INVS: variants seen among roughly 807,000 people sequenced by gnomAD.
INVS encodes inversion of embryo turning homolog.
INVS carries 86 observed loss-of-function variants against 108.8 expected under a neutral mutation model. The observed-to-expected ratio is 0.79, with a 90% CI of 0.66 to 0.95. The LOEUF (loss-of-function observed/expected upper bound fraction) is 0.95. Among genes scored for constraint, INVS ranks in the 40% least tolerant of loss-of-function variants. The pLI, the probability that INVS is intolerant of heterozygous loss-of-function variation, is 0.00. For missense variants in INVS, 1,169 were observed against 1,297.4 expected (o/e 0.90, Z 1.52); for synonymous variants, 455 against 473.5 (o/e 0.96, Z 0.51).
chr9:100,213,830 G>C, intron 3 of INVS, among the ~76,000 whole-genome samples: 1 of 152,158 alleles, frequency 6.6e-6, no homozygotes, highest in Non-Finnish European at 1.5e-5. Flanking sequence ...CCCAGAGGAA[G>C]ACATTACCTC....
chr9:100,187,521 A>ATTTTTTTTTTTTTTTTTTT (rs1830087780), intron 3 of INVS, among the ~76,000 whole-genome samples: 1 of 89,428 alleles, frequency 1.1e-5, no homozygotes, highest in African/African-American at 6.1e-5. Flanking sequence ...ATCATCTATG[A>ATTTTTTTTTTTTTTTTTTT]TTTCTTTTTT....
chr9:100,120,311 A>G (rs1827688063), intron 2 of INVS: 1 of 152,298 alleles, frequency 6.6e-6, no homozygotes, highest in South Asian at 2.1e-4. Context: ...TACAAGAAGA[A>G]AAAGACATCA....
At chr9:100,155,961 A>G (rs1828964964) in intron 3 of INVS, among the ~76,000 whole-genome samples, 2 of 152,228 alleles carry the variant, frequency 1.3e-5, no homozygotes, top group South Asian at 4.1e-4. Context: ...AGAAGTAATG[A>G]CTAACCCCAT....
In INVS at chr9:100,301,894, C is replaced by T. The variant is rs1008704044; in HGVS notation, c.*1220C>T. On this transcript the variant is annotated 3_prime_UTR_variant, in exon 17 of 17. Coordinates refer to ENST00000262457, the MANE Select transcript of INVS (RefSeq NM_014425.5). ...GGAATTACAAAGATTTAGCCAGTTT[C>T]TTGGTATATAACAGAAGGTACCACA... Among the ~76,000 whole-genome samples the T allele has an allele frequency of 3.3e-5, 5 of 152,092 alleles. No individual in the cohort carries two copies. Among genetic ancestry groups the T allele is most frequent in the Admixed American group, 6.5e-5 (1 of 15,268 alleles).
At chr9:100,151,332 C>T (rs1045529110) in intron 3 of INVS, among the ~76,000 whole-genome samples, 2 of 151,862 alleles carry the variant, frequency 1.3e-5, no homozygotes, top group Non-Finnish European at 2.9e-5. Context: ...TTTAAAAATT[C>T]GCCAGGCATG....
chr9:100,183,684 G>A (rs951904272), intron 3 of INVS, among the ~76,000 whole-genome samples: 4 of 151,270 alleles, frequency 2.6e-5, no homozygotes, highest in East Asian at 3.9e-4. Context: ...CCAGCTACTC[G>A]GGAGGCTGAG....
intron 3 of INVS, among the ~76,000 whole-genome samples, chr9:100,213,375 CTTT>C (rs898788841): frequency 1.3e-5 from 2 of 150,694 alleles, no homozygotes; most frequent in African/African-American, 4.9e-5. Flanking sequence ...TTTCTTTTTT[CTTT>C]TTTTTTAATT....
chr9:100,224,036 C>CA (rs923344266), intron 3 of INVS, among the ~76,000 whole-genome samples: 37 of 149,696 alleles, frequency 2.5e-4, no homozygotes, highest in Admixed American at 1.5e-3. Flanking sequence ...AACTGATGAG[C>CA]AAAAAAAACA....
chr9:100,261,105 GTTAA>G (rs1283835055), intron 10 of INVS, among the ~76,000 whole-genome samples: 1 of 152,082 alleles, frequency 6.6e-6, no homozygotes, highest in Non-Finnish European at 1.5e-5. Flanking sequence ...ATATTTGCAT[GTTAA>G]TTATGTTTTC....
intron 2 of INVS, among the ~76,000 whole-genome samples, chr9:100,123,198 A>G (rs186657394): frequency 5.8e-4 from 88 of 152,328 alleles, no homozygotes; most frequent in East Asian, 2.3e-3. Flanking sequence ...CACAAATGAT[A>G]TTAGAACACT....
rs1833972800 is a variant in INVS at position 100,301,642 on chromosome 9, G to A, written c.*968G>A. On this transcript the variant is annotated 3_prime_UTR_variant, in exon 17 of 17. Coordinates refer to ENST00000262457, the MANE Select transcript of INVS (RefSeq NM_014425.5). ...TTTCACATTGTTTAAGGGGAAAGCT[G>A]CTGTGAGAATATTGACAGTAGGCAT... Among the ~76,000 whole-genome samples, 1 of 152,198 alleles carries A rather than the reference G, an allele frequency of 6.6e-6. No individual in the cohort carries two copies. The highest frequency in any genetic ancestry group is 6.5e-5 in the Admixed American group (1 of 15,288).
chr9:100,130,595 T>A (rs570087963), intron 3 of INVS: 70 of 152,322 alleles, frequency 4.6e-4, no homozygotes, highest in African/African-American at 1.5e-3. Context: ...TCCCTATTAA[T>A]CGTCATTTCC....
intron 3 of INVS, among the ~76,000 whole-genome samples, chr9:100,185,661 A>G (rs923631375): frequency 6.6e-6 from 1 of 151,102 alleles, no homozygotes; most frequent in Non-Finnish European, 1.5e-5. Flanking sequence ...TGAATAGTGT[A>G]TGTTGTACCC....
Position 100,302,091 on chromosome 9 carries a change from A to C in INVS, c.*1417A>C, listed in dbSNP as rs557542255. 2.9e-6 allele frequency: 2 copies of C among 700,732 alleles called. No homozygotes were observed. Among genetic ancestry groups the C allele is most frequent in the Non-Finnish European group, 2.3e-6 (1 of 440,310 alleles). The allele number at this position is 700,732 out of a possible 1,614,324, so 43.4% of individuals were successfully genotyped here. ...GAAAGAAGGTTCGTAAACTTCTTTA[A>C]AAGTTCAGCTTTAATGACAAAGATC... On this transcript the variant is annotated 3_prime_UTR_variant, in exon 17 of 17. Coordinates refer to ENST00000262457, the MANE Select transcript of INVS (RefSeq NM_014425.5).
chr9:100,178,967 G>C (rs1402575643), intron 3 of INVS, among the ~76,000 whole-genome samples: 3 of 152,216 alleles, frequency 2.0e-5, no homozygotes, highest in Admixed American at 1.3e-4. Context: ...AGCCAGAAGA[G>C]AGTGAGGGTC....
intron 3 of INVS, among the ~76,000 whole-genome samples, chr9:100,143,560 G>C (rs1318613986): frequency 6.6e-6 from 1 of 152,090 alleles, no homozygotes; most frequent in Non-Finnish European, 1.5e-5. Flanking sequence ...AGATACAAGG[G>C]GAGGATGTGA....
At chr9:100,203,501 CTTTTTT>C (rs34618293) in intron 3 of INVS, among the ~76,000 whole-genome samples, 1 of 123,128 alleles carries the variant, frequency 8.1e-6, no homozygotes, top group African/African-American at 3.2e-5. Flanking sequence ...CCAAAGCTTC[CTTTTTT>C]TTTTTTTTTT....
chr9:100,168,966 TTA>T (rs1829451459), intron 3 of INVS, among the ~76,000 whole-genome samples: 2 of 152,172 alleles, frequency 1.3e-5, no homozygotes, highest in South Asian at 4.1e-4. Context: ...AAATGAAACT[TTA>T]TGAGAGAAAT....
At chr9:100,161,237 G>C (rs1373419463) in intron 3 of INVS, among the ~76,000 whole-genome samples, 1 of 150,236 alleles carries the variant, frequency 6.7e-6, no homozygotes, top group South Asian at 2.1e-4. Context: ...TTAGCTGGGT[G>C]TGGTGGTGGG....
Sources: gnomAD v4.1 joint callset for allele counts (sites outside exome capture counted in the v4.1 genomes callset) on GRCh38, gnomAD v4.1.1 for gene constraint, MANE v1.5 for transcripts, NCBI Gene and HGNC (gene_info 2026-07-23, HGNC 2026-07-21) for gene names.